Variants in MYT1 observed in about 807,000 individuals in gnomAD.
MYT1 encodes myelin transcription factor I.
MYT1 carries 23 observed loss-of-function variants against 123.0 expected under a neutral mutation model. The observed-to-expected ratio is 0.19, with a 90% CI of 0.13 to 0.26. The LOEUF (loss-of-function observed/expected upper bound fraction) is 0.26. Among genes scored for constraint, MYT1 ranks in the 10% least tolerant of loss-of-function variants. The pLI is 1.00. For synonymous variants in MYT1, 518 were observed against 575.3 expected (o/e 0.90, Z 1.43); for missense variants, 1,125 against 1,472.5 (o/e 0.76, Z 3.86).
chr20:64,191,017 G>A lies in MYT1; in HGVS notation c.-1+857G>A, dbSNP rs1345328268. On this transcript the variant is annotated intron_variant, in intron 2 of 22. Transcript: ENST00000328439. The surrounding 1 kb of genome is among the most constrained non-coding windows in gnomAD (Gnocchi z 4.1). Reference sequence around the variant, plus strand: ...AAAAAAAACCCACCAAAATGAAAATGTGACCCCAGAGTCTCACTTCCTTGC... The same window carrying A: ...AAAAAAAACCCACCAAAATGAAAATATGACCCCAGAGTCTCACTTCCTTGC... Among the ~76,000 whole-genome samples, 10 of 152,178 alleles carry A rather than the reference G, an allele frequency of 6.6e-5. No individual in the cohort carries two copies. The highest frequency in any genetic ancestry group is 5.9e-4 in the Admixed American group (9 of 15,278).
chr20:64,188,586 C>A (rs890623306), intron 1 of MYT1, among the ~76,000 whole-genome samples: 2 of 152,200 alleles, frequency 1.3e-5, no homozygotes, highest in South Asian at 4.1e-4. Flanking sequence ...CCGGCTGATA[C>A]GATTCTTGTC....
At chr20:64,165,539 G>A (rs1982055521) in intron 1 of MYT1, among the ~76,000 whole-genome samples, 1 of 152,160 alleles carries the variant, frequency 6.6e-6, no homozygotes, top group East Asian at 1.9e-4. Context: ...TATAAACCAG[G>A]AAAATAAACA....
intron 6 of MYT1, 136 bp downstream of exon 6, chr20:64,205,936 A>C: frequency 7.9e-6 from 11 of 1,388,774 alleles, no homozygotes; most frequent in Non-Finnish European, 1.1e-5. Context: ...TTGTCCCAAC[A>C]TGTGCTGGGC....
Position 64,213,539 on chromosome 20 carries a change from C to T in MYT1, c.1523C>T (p.Ser508Phe). ...NSNRNTHRSL[S>F]GCPIAAAEKL... ...CCTCCTCTTCCTTCCTCTAGTTTGT[C>T]TGGGTGTCCCATTGCTGCCGCCGAA... Residue 508 changes from serine to phenylalanine, a missense_variant, in exon 10 of 23, where the codon TCT (serine) becomes TTT (phenylalanine). By Grantham distance (155) the Ser-to-Phe change is radical. Transcript: ENST00000328439. This position sits in a 1 kb window ranked among gnomAD's most constrained non-coding sequence, Gnocchi z 5.6. 1 of 1,613,902 alleles carries T rather than the reference C, an allele frequency of 6.2e-7. No homozygotes were observed. Among genetic ancestry groups the T allele is most frequent in the Admixed American group, 1.7e-5 (1 of 60,018 alleles).
In MYT1 at chr20:64,191,291, C is replaced by T. The variant is rs2145703713; in HGVS notation, c.-1+1131C>T. On this transcript the variant is annotated intron_variant, in intron 2 of 22. Transcript: ENST00000328439. The surrounding 1 kb of genome is among the most constrained non-coding windows in gnomAD (Gnocchi z 4.1). ...CGGGGACACTCCCGAACTGTGACATCACATGTGCTTACAGCCACTGTTCTC... is the reference window on the plus strand; with the variant it reads ...CGGGGACACTCCCGAACTGTGACATTACATGTGCTTACAGCCACTGTTCTC... Among the ~76,000 whole-genome samples the T allele has an allele frequency of 6.6e-6, 1 of 152,212 alleles. No homozygotes were observed. The highest frequency in any genetic ancestry group is 1.5e-5 in the Non-Finnish European group (1 of 68,024).
intron 3 of MYT1, among the ~76,000 whole-genome samples, chr20:64,199,663 G>T (rs1459270104): frequency 6.6e-6 from 1 of 152,178 alleles, no homozygotes; most frequent in Non-Finnish European, 1.5e-5. Context: ...GAGCTTCTGC[G>T]GCGAGCACCA....
At chr20:64,182,305 A>T (rs1982676584) in intron 1 of MYT1, among the ~76,000 whole-genome samples, 1 of 152,192 alleles carries the variant, frequency 6.6e-6, no homozygotes, top group Admixed American at 6.5e-5. Flanking sequence ...TGGAGCAGCC[A>T]CGGTGTCCCA....
rs767478855 is a variant in MYT1, at chr20:64,218,954, C to T, written c.1890C>T (p.Ala630=). ...SQDAEAAHMA[A]TAILNLSTRC... is the part of the protein sequence containing the mutation. ...ACGCCGAGGCTGCACACATGGCTGC[C>T]ACTGCCATCCTGAACCTCTCCACGC... The change falls in exon 12 of 23, where the codon GCC becomes GCT. Residue 630 remains alanine (A), a synonymous_variant. Coordinates refer to ENST00000328439, the MANE Select transcript of MYT1 (RefSeq NM_004535.3). The surrounding 1 kb of genome is among the most constrained non-coding windows in gnomAD (Gnocchi z 4.0). 4.3e-6 allele frequency: 7 copies of T among 1,613,804 alleles called. No homozygotes were observed. The highest frequency in any genetic ancestry group is 2.2e-5 in the South Asian group (2 of 91,078).
Position 64,207,706 on chromosome 20 carries a change from C to T in MYT1, c.510C>T (p.Asn170=). The T allele has an allele frequency of 6.2e-7, 1 of 1,614,078 alleles. No individual in the cohort carries two copies. Among genetic ancestry groups the T allele is most frequent in the East Asian group, 2.2e-5 (1 of 44,876 alleles). ...YQGIIATSLL[N]LGQIAEETLV... Reference sequence around the variant, plus strand: ...GAATCATCGCAACTTCTCTCCTGAACTTGGGTCAAATTGCTGAAGAGACCC... The same window carrying T: ...GAATCATCGCAACTTCTCTCCTGAATTTGGGTCAAATTGCTGAAGAGACCC... Residue 170 remains asparagine (N), a synonymous_variant, in exon 7 of 23, where the codon AAC becomes AAT. Transcript: ENST00000328439.
intron 21 of MYT1, among the ~76,000 whole-genome samples, chr20:64,238,198 G>A (rs1489786293): frequency 6.6e-6 from 1 of 152,216 alleles, no homozygotes. Context: ...CCGTGCTGGG[G>A]GAGACATAAC....
intron 18 of MYT1, among the ~76,000 whole-genome samples, chr20:64,228,823 G>A (rs549975685): frequency 5.9e-5 from 9 of 152,248 alleles, no homozygotes; most frequent in Non-Finnish European, 1.3e-4. Context: ...TCCCCAGCAG[G>A]TGAGCAGAGT....
At chr20:64,211,816 C>G (rs1344295991) in intron 8 of MYT1, among the ~76,000 whole-genome samples, 1 of 152,192 alleles carries the variant, frequency 6.6e-6, no homozygotes, top group African/African-American at 2.4e-5. Flanking sequence ...GGAGGGACCA[C>G]AGTGGTGGTG....
At chr20:64,194,790 T>C (rs2012987) in intron 2 of MYT1, among the ~76,000 whole-genome samples, 1 of 152,184 alleles carries the variant, frequency 6.6e-6, no homozygotes. Flanking sequence ...CCCGTTGGGC[T>C]TCATGGAAAA....
At position 64,202,825 on chromosome 20, in the gene MYT1, C is replaced by G. The variant is rs1983365280; in HGVS notation, c.87-2210C>G. ...TCACATCTCTGACACCAGCCCTAGT[C>G]AGAGCTGGGGAGTCAAGGCTGGGGA... On this transcript the variant is annotated intron_variant, in intron 4 of 22. Coordinates refer to ENST00000328439, the MANE Select transcript of MYT1 (RefSeq NM_004535.3). This position sits in a 1 kb window ranked among gnomAD's most constrained non-coding sequence, Gnocchi z 5.0. 6.6e-6 allele frequency among the ~76,000 whole-genome samples: 1 copy of G among 152,210 alleles called. No individual in the cohort carries two copies. The highest frequency in any genetic ancestry group is 2.4e-5 in the African/African-American group (1 of 41,458).
At chr20:64,206,891 A>C (rs1270985729) in intron 6 of MYT1, among the ~76,000 whole-genome samples, 1 of 152,104 alleles carries the variant, frequency 6.6e-6, no homozygotes, top group Non-Finnish European at 1.5e-5. Context: ...TGTGGTGAGC[A>C]CCTACCATAT....
chr20:64,226,248 A>C (rs1464993728), intron 16 of MYT1, among the ~76,000 whole-genome samples: 1 of 152,228 alleles, frequency 6.6e-6, no homozygotes. Context: ...AGGGCACCCC[A>C]AAAAAACTCC....
chr20:64,205,522 G>A (rs1276675586), intron 5 of MYT1, 31 bp from the exon 6 acceptor site: 3 of 1,611,166 alleles, frequency 1.9e-6, no homozygotes, highest in Non-Finnish European at 2.5e-6. Flanking sequence ...CCCTAGCCTG[G>A]TCCTCTCCAC....
At position 64,166,153 on chromosome 20, in the gene MYT1, C is replaced by T. The variant is rs371480350; in HGVS notation, c.-99+1414C>T. Among the ~76,000 whole-genome samples the T allele has an allele frequency of 2.7e-4, 41 of 152,176 alleles. No homozygotes were observed. The highest frequency in any genetic ancestry group is 7.7e-4 in the African/African-American group (32 of 41,438). ...CCTTCCATATGGCCCTGTTAATTAA[C>T]GGTAAACAAAAGAGTAAGAGAGCAG... On this transcript the variant is annotated intron_variant, in intron 1 of 22. Transcript: ENST00000328439. The surrounding 1 kb of genome is among the most constrained non-coding windows in gnomAD (Gnocchi z 4.9).
Position 64,195,198 on chromosome 20 carries a change from C to T in MYT1, c.1-3664C>T, listed in dbSNP as rs544869452. ...GGATTTGTTACAGCTGCAGCCTCAG[C>T]GCAGATCCCTCTAGGTTTCAAGATT... On this transcript the variant is annotated intron_variant, in intron 2 of 22. Coordinates refer to ENST00000328439, the MANE Select transcript of MYT1 (RefSeq NM_004535.3). Among the ~76,000 whole-genome samples the T allele has an allele frequency of 1.4e-4, 22 of 152,040 alleles. 1 individual carries two copies. The highest frequency in any genetic ancestry group is 3.9e-4 in the Admixed American group (6 of 15,290).
Sources: gnomAD v4.1 joint callset for allele counts (sites outside exome capture counted in the v4.1 genomes callset) on GRCh38, gnomAD v4.1.1 for gene constraint, Gnocchi (gnomAD v3.1) non-coding constraint, MANE v1.5 for transcripts, NCBI Gene and HGNC (gene_info 2026-07-23, HGNC 2026-07-21) for gene names.